Variants in CACNA1E observed in about 807,000 individuals in gnomAD.
CACNA1E encodes the protein calcium voltage-gated channel subunit alpha1 E, also known as voltage-dependent R-type calcium channel subunit alpha-1E.
CACNA1E carries 40 observed loss-of-function variants against 259.2 expected under a neutral mutation model. The ratio of observed to expected loss-of-function variants is 0.15; its 90% CI spans 0.12 to 0.20. CACNA1E has a LOEUF of 0.20. Among genes scored for constraint, CACNA1E ranks in the 10% least tolerant of loss-of-function variants. The probability of loss-of-function intolerance (pLI) is 1.00; values close to 1 mark genes in which losing one functional copy is unlikely to be tolerated. For missense variants in CACNA1E, 1,874 were observed against 3,040.1 expected (o/e 0.62, Z 9.02); for synonymous variants, 1,104 against 1,138.5 (o/e 0.97, Z 0.61).
intron 7 of CACNA1E, among the ~76,000 whole-genome samples, chr1:181,705,415 T>C (rs1458809277): frequency 6.6e-6 from 1 of 152,330 alleles, no homozygotes; most frequent in Non-Finnish European, 1.5e-5. Flanking sequence ...CAAATACAAA[T>C]GTAGTAACCA....
intron 3 of CACNA1E, among the ~76,000 whole-genome samples, chr1:181,524,308 T>A (rs562429992): frequency 3.3e-5 from 5 of 152,336 alleles, no homozygotes; most frequent in African/African-American, 7.2e-5. Flanking sequence ...TTTCCTTTTT[T>A]AAAAAAGAGC....
intron 7 of CACNA1E, among the ~76,000 whole-genome samples, chr1:181,686,931 A>T (rs1464511766): frequency 6.6e-6 from 1 of 152,192 alleles, no homozygotes; most frequent in Non-Finnish European, 1.5e-5. Flanking sequence ...AGACAGGCAG[A>T]GATCCTGGGT....
chr1:181,510,092 G>A (rs1220965417), intron 1 of CACNA1E, among the ~76,000 whole-genome samples: 2 of 152,184 alleles, frequency 1.3e-5, no homozygotes, highest in South Asian at 2.1e-4. Flanking sequence ...AGAACAAGGG[G>A]TCTGCGATGG....
intron 1 of CACNA1E, among the ~76,000 whole-genome samples, chr1:181,391,540 T>TG (rs1436006775): frequency 2.0e-5 from 3 of 151,466 alleles, no homozygotes; most frequent in African/African-American, 4.9e-5. Context: ...AGGGGCTGTC[T>TG]GGGGGGGAAG....
At chr1:181,780,733 G>A (rs915554961) in intron 38 of CACNA1E, among the ~76,000 whole-genome samples, 2 of 152,170 alleles carry the variant, frequency 1.3e-5, no homozygotes, top group Non-Finnish European at 2.9e-5. Flanking sequence ...GCATGCCATT[G>A]ACCTGGCACA....
intron 1 of CACNA1E, among the ~76,000 whole-genome samples, chr1:181,358,833 T>C (rs1351039842): frequency 1.3e-5 from 2 of 152,226 alleles, no homozygotes; most frequent in African/African-American, 4.8e-5. Context: ...ATGTTTTTCC[T>C]CAAATACCAG....
chr1:181,377,158 T>G (rs538768360), intron 1 of CACNA1E, among the ~76,000 whole-genome samples: 62 of 152,332 alleles, frequency 4.1e-4, no homozygotes, highest in African/African-American at 1.4e-3. Flanking sequence ...TGGACAGTTG[T>G]TACCAAAGGA....
intron 1 of CACNA1E, among the ~76,000 whole-genome samples, chr1:181,484,437 C>T (rs1362497101): frequency 6.6e-6 from 1 of 152,184 alleles, no homozygotes; most frequent in Admixed American, 6.5e-5. Flanking sequence ...CAGGAGACAC[C>T]GCACTGTCTT....
chr1:181,739,393 C>T, intron 25 of CACNA1E, 140 bp downstream of exon 25: 1 of 671,970 alleles, frequency 1.5e-6, no homozygotes, highest in Non-Finnish European at 2.7e-6. Flanking sequence ...CCCCAGTCGC[C>T]CCCAGCAGAG....
intron 6 of CACNA1E, among the ~76,000 whole-genome samples, chr1:181,634,864 AC>A (rs1657064264): frequency 6.6e-6 from 1 of 151,980 alleles, no homozygotes; most frequent in South Asian, 2.1e-4. Context: ...TGCTCTCTGA[AC>A]CCCCACTTCG....
chr1:181,747,672 C>T (rs1454472493), intron 25 of CACNA1E, among the ~76,000 whole-genome samples: 1 of 152,110 alleles, frequency 6.6e-6, no homozygotes, highest in Non-Finnish European at 1.5e-5. Context: ...AATTTAGTAT[C>T]AGAGACTAGC....
chr1:181,737,040 A>G (rs953990669), intron 22 of CACNA1E, among the ~76,000 whole-genome samples: 1 of 152,266 alleles, frequency 6.6e-6, no homozygotes, highest in African/African-American at 2.4e-5. Context: ...ATCCATGGCT[A>G]GAATGCAGAA....
At chr1:181,523,760 T>C (rs982259709) in intron 3 of CACNA1E, among the ~76,000 whole-genome samples, 29 of 152,208 alleles carry the variant, frequency 1.9e-4, no homozygotes, top group African/African-American at 6.5e-4. Context: ...ACTAACCCAT[T>C]GATATGAAAG....
At chr1:181,655,428 C>T (rs1659127725) in intron 7 of CACNA1E, among the ~76,000 whole-genome samples, 2 of 152,090 alleles carry the variant, frequency 1.3e-5, no homozygotes, top group African/African-American at 4.8e-5. Context: ...TTCTCAATGG[C>T]AACACTGAAA....
chr1:181,429,210 A>G (rs1659535795), intron 2 of CACNA1E, among the ~76,000 whole-genome samples: 1 of 152,130 alleles, frequency 6.6e-6, no homozygotes, highest in African/African-American at 2.4e-5. Context: ...TTGTTTCTGT[A>G]AAGGAAACTA....
intron 6 of CACNA1E, among the ~76,000 whole-genome samples, chr1:181,640,775 T>C (rs1429768573): frequency 2.6e-5 from 4 of 152,234 alleles, no homozygotes; most frequent in Admixed American, 2.6e-4. Flanking sequence ...GAAACTTATA[T>C]AGGCTTGTGA....
chr1:181,367,183 T>G (rs1360343794), intron 1 of CACNA1E, among the ~76,000 whole-genome samples: 1 of 152,226 alleles, frequency 6.6e-6, no homozygotes, highest in Admixed American at 6.5e-5. Context: ...TTGGGTGCCC[T>G]GTCGCTCATC....
chr1:181,614,567 C>T (rs1407487840), intron 6 of CACNA1E, among the ~76,000 whole-genome samples: 3 of 152,176 alleles, frequency 2.0e-5, no homozygotes, highest in Non-Finnish European at 4.4e-5. Flanking sequence ...CACTTGAGCT[C>T]ATTGCAATAG....
intron 3 of CACNA1E, among the ~76,000 whole-genome samples, chr1:181,568,538 C>T (rs757626920): frequency 6.6e-6 from 1 of 152,150 alleles, no homozygotes; most frequent in Non-Finnish European, 1.5e-5. Flanking sequence ...ATTAATACAG[C>T]CTATAAAATT....
Sources: gnomAD v4.1 joint callset for allele counts (sites outside exome capture counted in the v4.1 genomes callset) on GRCh38, gnomAD v4.1.1 for gene constraint, MANE v1.5 for transcripts, NCBI Gene and HGNC (gene_info 2026-07-23, HGNC 2026-07-21) for gene names.